CADM2: variants seen among roughly 807,000 people sequenced by gnomAD.
CADM2 encodes the protein cell adhesion molecule 2.
Under a neutral mutation model 49.8 loss-of-function variants are expected in CADM2, and 12 were observed. That is an observed-to-expected ratio of 0.24 (90% CI 0.15 to 0.39). The LOEUF (loss-of-function observed/expected upper bound fraction) is 0.39, where lower values mean the gene tolerates loss of function less well. Ranked by LOEUF, CADM2 falls within the 10% of genes least tolerant of loss-of-function variation. CADM2 has a pLI of 1.00. For missense variants in CADM2, 378 were observed against 492.3 expected, an observed-to-expected ratio of 0.77 and a Z score of 2.20; for synonymous variants, 214 against 175.4, an observed-to-expected ratio of 1.22 and a Z score of -1.74.
At chr3:85,412,699 A>T (rs2035712472) in intron 1 of CADM2, among the ~76,000 whole-genome samples, 1 of 152,182 alleles carries the variant, frequency 6.6e-6, no homozygotes, top group South Asian at 2.1e-4. Flanking sequence ...AAATAAAACA[A>T]AAAGAATAAT....
At chr3:85,226,501 A>T (rs530106041) in intron 1 of CADM2, among the ~76,000 whole-genome samples, 1 of 151,508 alleles carries the variant, frequency 6.6e-6, no homozygotes, top group East Asian at 1.9e-4. Flanking sequence ...CACCTATTTG[A>T]TTCTTCTCTC....
intron 1 of CADM2, among the ~76,000 whole-genome samples, chr3:85,188,289 A>T (rs535609977): frequency 6.6e-6 from 1 of 152,248 alleles, no homozygotes; most frequent in East Asian, 1.9e-4. Flanking sequence ...ACCATTTGAA[A>T]GATACAAGAT....
intron 8 of CADM2, among the ~76,000 whole-genome samples, chr3:86,043,950 A>G (rs149616949): frequency 0.048 from 7,331 of 152,302 alleles, 385 homozygotes; most frequent in African/African-American, 0.14. Flanking sequence ...GACGAAAACA[A>G]GAAATGGGGA....
At chr3:85,564,982 G>C (rs1169561348) in intron 1 of CADM2, among the ~76,000 whole-genome samples, 1 of 152,080 alleles carries the variant, frequency 6.6e-6, no homozygotes, top group East Asian at 1.9e-4. Flanking sequence ...GATATGCATA[G>C]ATCTAATTTA....
At chr3:85,271,607 T>C (rs1169818508) in intron 1 of CADM2, among the ~76,000 whole-genome samples, 1 of 151,180 alleles carries the variant, frequency 6.6e-6, no homozygotes, top group Admixed American at 6.6e-5. Flanking sequence ...TAACCATATC[T>C]CCTGCCTCTA....
chr3:85,495,129 T>C (rs2039834796), intron 1 of CADM2, among the ~76,000 whole-genome samples: 1 of 152,144 alleles, frequency 6.6e-6, no homozygotes, highest in African/African-American at 2.4e-5. Flanking sequence ...TTAAACACTA[T>C]AGTTTTTAAT....
chr3:85,542,046 C>T (rs951139221), intron 1 of CADM2, among the ~76,000 whole-genome samples: 15 of 152,000 alleles, frequency 9.9e-5, no homozygotes, highest in African/African-American at 3.4e-4. Flanking sequence ...ATTGCCTGCC[C>T]TTTCCCATGG....
intron 8 of CADM2, among the ~76,000 whole-genome samples, chr3:86,006,966 G>A (rs1364749392): frequency 3.3e-5 from 5 of 152,092 alleles, no homozygotes; most frequent in Admixed American, 6.5e-5. Flanking sequence ...GCTTGAACCC[G>A]GAGATGGAAG....
At chr3:85,904,395 C>A (rs1716517064) in intron 5 of CADM2, among the ~76,000 whole-genome samples, 1 of 152,120 alleles carries the variant, frequency 6.6e-6, no homozygotes, top group East Asian at 1.9e-4. Flanking sequence ...GGCAGCCTGC[C>A]TCTTCTGGAA....
At chr3:85,486,900 T>G (rs540195666) in intron 1 of CADM2, among the ~76,000 whole-genome samples, 214 of 152,210 alleles carry the variant, frequency 1.4e-3, no homozygotes, top group African/African-American at 5.0e-3. Context: ...CTGTAAATCT[T>G]AAGTTTTACC....
At chr3:85,396,284 T>C (rs1415846979) in intron 1 of CADM2, among the ~76,000 whole-genome samples, 4 of 151,852 alleles carry the variant, frequency 2.6e-5, no homozygotes, top group Admixed American at 2.6e-4. Context: ...TAGATGTCAT[T>C]ATTCATATAT....
At chr3:84,994,907 A>G (rs574642303) in intron 1 of CADM2, among the ~76,000 whole-genome samples, 214 of 152,076 alleles carry the variant, frequency 1.4e-3, no homozygotes, top group Non-Finnish European at 2.3e-3. Context: ...GTGCACCTGT[A>G]ACCCAGCTAC....
intron 1 of CADM2, among the ~76,000 whole-genome samples, chr3:85,583,282 A>G (rs6549044): frequency 0.51 from 77,929 of 151,810 alleles, 23,017 homozygotes; most frequent in East Asian, 0.85. Flanking sequence ...GCCAGTTTGT[A>G]TAAATAATTT....
intron 1 of CADM2, among the ~76,000 whole-genome samples, chr3:85,505,023 G>T (rs911183237): frequency 1.3e-5 from 2 of 152,092 alleles, no homozygotes; most frequent in African/African-American, 4.8e-5. Context: ...GCCCGGAAGC[G>T]CCGCGCGCAG....
chr3:85,265,291 C>T (rs75797115), intron 1 of CADM2, among the ~76,000 whole-genome samples: 12,129 of 150,726 alleles, frequency 0.08, 1,020 homozygotes, highest in Admixed American at 0.25. Flanking sequence ...AATGTACTAT[C>T]AAGGAATATT....
intron 1 of CADM2, among the ~76,000 whole-genome samples, chr3:85,268,848 G>A (rs2043175164): frequency 6.6e-6 from 1 of 151,070 alleles, no homozygotes. Flanking sequence ...AAGATATGAA[G>A]TAAAATATTT....
intron 1 of CADM2, among the ~76,000 whole-genome samples, chr3:85,339,979 A>C (rs2107188375): frequency 6.6e-6 from 1 of 151,508 alleles, no homozygotes; most frequent in Admixed American, 6.6e-5. Context: ...GTCACTATTA[A>C]GGAAAAAAGA....
intron 1 of CADM2, among the ~76,000 whole-genome samples, chr3:85,087,750 A>C (rs1191999305): frequency 6.6e-6 from 1 of 152,158 alleles, no homozygotes; most frequent in Non-Finnish European, 1.5e-5. Context: ...TAATAAAACT[A>C]TTCATCATTT....
At chr3:85,467,397 C>G (rs2038545234) in intron 1 of CADM2, among the ~76,000 whole-genome samples, 1 of 152,010 alleles carries the variant, frequency 6.6e-6, no homozygotes, top group South Asian at 2.1e-4. Context: ...AAATGCATAA[C>G]ATATTATAAT....
Sources: gnomAD v4.1 joint callset for allele counts (sites outside exome capture counted in the v4.1 genomes callset) on GRCh38, gnomAD v4.1.1 for gene constraint, MANE v1.5 for transcripts, NCBI Gene and HGNC (gene_info 2026-07-23, HGNC 2026-07-21) for gene names.